The following KCNMA1 variants were observed in gnomAD, a reference collection of about 807,000 sequenced individuals.
KCNMA1 encodes potassium calcium-activated channel subfamily M alpha 1, also known as Calcium-activated potassium channel subunit alpha-1.
In KCNMA1, 29 loss-of-function variants were observed where a neutral mutation model predicts 140.0. That is an observed-to-expected ratio of 0.21 (90% CI 0.15 to 0.28). KCNMA1 has a LOEUF of 0.28. Among genes scored for constraint, KCNMA1 ranks in the 10% least tolerant of loss-of-function variants. The pLI is 1.00. For synonymous variants in KCNMA1, 612 were observed against 611.9 expected, an observed-to-expected ratio of 1.00 and a Z score of 0.00; for missense variants, 880 against 1,602.2, an observed-to-expected ratio of 0.55 and a Z score of 7.70.
intron 2 of KCNMA1, among the ~76,000 whole-genome samples, chr10:77,358,888 G>C (rs929310620): frequency 1.3e-5 from 2 of 152,176 alleles, no homozygotes; most frequent in Non-Finnish European, 2.9e-5. Flanking sequence ...CCTCATCCCT[G>C]TCGTCATCTG....
intron 2 of KCNMA1, among the ~76,000 whole-genome samples, chr10:77,396,625 C>A (rs1332014391): frequency 2.6e-5 from 4 of 152,056 alleles, no homozygotes; most frequent in Non-Finnish European, 4.4e-5. Context: ...TTCTTTTGGG[C>A]CCTTGGAGAT....
At chr10:76,995,802 G>C (rs899335045) in intron 19 of KCNMA1, 11 of 408,032 alleles carry the variant, frequency 2.7e-5, no homozygotes, top group Non-Finnish European at 5.4e-5. Flanking sequence ...ATCTTTTCTA[G>C]TTTGTCCTTA....
At chr10:77,522,115 C>T (rs1315900603) in intron 1 of KCNMA1, among the ~76,000 whole-genome samples, 4 of 151,996 alleles carry the variant, frequency 2.6e-5, no homozygotes, top group Non-Finnish European at 5.9e-5. Flanking sequence ...GCGGAGGTTG[C>T]AGTGAGCCAA....
intron 1 of KCNMA1, among the ~76,000 whole-genome samples, chr10:77,576,821 G>A (rs1010682232): frequency 1.3e-5 from 2 of 152,152 alleles, no homozygotes; most frequent in African/African-American, 4.8e-5. Context: ...ATCAAGCCTC[G>A]AGATGCTGGT....
chr10:77,306,527 A>T (rs1371676952), intron 2 of KCNMA1, among the ~76,000 whole-genome samples: 2 of 152,232 alleles, frequency 1.3e-5, no homozygotes, highest in South Asian at 4.1e-4. Flanking sequence ...AATGACAAAA[A>T]TTCTGGGTCA....
rs2095569999 is a variant in KCNMA1, at chr10:77,057,174, C to CAATCGGA, written c.1749+15916_1749+15922dup. 2.0e-5 allele frequency among the ~76,000 whole-genome samples: 3 copies of CAATCGGA among 152,084 alleles called. No individual in the cohort carries two copies. The South Asian group carries it at 6.2e-4, about 32-fold the overall frequency. ...AAAGACAAAGAGAAAATCTAGAAGG[C>CAATCGGA]AATCGGAGAAAAATGACTCATTACT... On this transcript the variant is annotated intron_variant, in intron 14 of 27. Coordinates refer to ENST00000286628, the MANE Select transcript of KCNMA1 (RefSeq NM_001161352.2).
At chr10:77,572,569 C>CATATATATATATATACATATAT (rs2071899037) in intron 1 of KCNMA1, among the ~76,000 whole-genome samples, 1 of 37,568 alleles carries the variant, frequency 2.7e-5, no homozygotes, top group Non-Finnish European at 4.7e-5. Context: ...AAAAAAAATC[C>CATATATATATATATACATATAT]ATATATATAT....
chr10:77,486,742 G>A (rs1300098058), intron 1 of KCNMA1, among the ~76,000 whole-genome samples: 1 of 152,214 alleles, frequency 6.6e-6, no homozygotes, highest in Non-Finnish European at 1.5e-5. Flanking sequence ...GCCAGCCCTG[G>A]CCCCGGGCAA....
intron 3 of KCNMA1, among the ~76,000 whole-genome samples, chr10:77,187,421 A>T (rs1400164839): frequency 6.6e-6 from 1 of 152,188 alleles, no homozygotes; most frequent in Non-Finnish European, 1.5e-5. Flanking sequence ...GCACCTTAAC[A>T]ACACCCCTGG....
chr10:77,570,182 T>C (rs935355097), intron 1 of KCNMA1, among the ~76,000 whole-genome samples: 3 of 151,460 alleles, frequency 2.0e-5, no homozygotes, highest in Non-Finnish European at 2.9e-5. Flanking sequence ...AGTGTGGCGA[T>C]TCCTCAGGGA....
At position 77,637,463 on chromosome 10, in the gene KCNMA1, C is replaced by T. The variant is rs201663455; in HGVS notation, c.180G>A (p.Ser60=). ...GCGCATCCATCTTGGGCTCGTGGAC[C>T]GAGGACGAGGAGGAAGAGGAGGAGG... is the stretch of plus-strand genomic sequence containing the variant. ...SSSSSSSSSS[S]VHEPKMDALI... is the part of the protein sequence containing the mutation. Residue 60 remains serine (S), a synonymous_variant, in exon 1 of 28, where the codon TCG becomes TCA. Coordinates refer to ENST00000286628, the MANE Select transcript of KCNMA1 (RefSeq NM_001161352.2). The T allele has an allele frequency of 6.2e-7, 1 of 1,611,278 alleles. No homozygotes were observed. The highest frequency in any genetic ancestry group is 8.5e-7 in the Non-Finnish European group (1 of 1,178,788).
chr10:77,616,093 T>C (rs779236575), intron 1 of KCNMA1, among the ~76,000 whole-genome samples: 14 of 152,228 alleles, frequency 9.2e-5, no homozygotes, highest in Non-Finnish European at 1.9e-4. Flanking sequence ...AACCCGCCTT[T>C]GACCAATTCC....
At chr10:77,299,355 C>T (rs1398677195) in intron 2 of KCNMA1, among the ~76,000 whole-genome samples, 1 of 152,180 alleles carries the variant, frequency 6.6e-6, no homozygotes, top group East Asian at 1.9e-4. Context: ...CAGTGAGGGT[C>T]CTAAGGAGGC....
chr10:76,919,170 G>A (rs2054273580), intron 23 of KCNMA1, among the ~76,000 whole-genome samples: 1 of 152,082 alleles, frequency 6.6e-6, no homozygotes, highest in African/African-American at 2.4e-5. Flanking sequence ...AAGAGTGGGA[G>A]GGAGACGAGG....
chr10:77,610,487 C>G (rs982240380), intron 1 of KCNMA1, among the ~76,000 whole-genome samples: 4 of 152,252 alleles, frequency 2.6e-5, no homozygotes, highest in African/African-American at 9.6e-5. Flanking sequence ...CTCTCTCTCT[C>G]TAGCACAGAA....
intron 1 of KCNMA1, among the ~76,000 whole-genome samples, chr10:77,468,621 C>T (rs2098085428): frequency 6.6e-6 from 1 of 152,140 alleles, no homozygotes; most frequent in Non-Finnish European, 1.5e-5. Flanking sequence ...ATCCTTCCTT[C>T]ACAACCCAGA....
At chr10:77,188,531 C>A (rs2098902866) in intron 3 of KCNMA1, among the ~76,000 whole-genome samples, 1 of 152,120 alleles carries the variant, frequency 6.6e-6, no homozygotes. Flanking sequence ...GACTGAGCAC[C>A]TTCAAAAGAG....
At chr10:77,158,199 A>C (rs887218013) in intron 5 of KCNMA1, among the ~76,000 whole-genome samples, 26 of 152,224 alleles carry the variant, frequency 1.7e-4, no homozygotes, top group Non-Finnish European at 2.9e-4. Flanking sequence ...TCTTTGAGGC[A>C]AAAGAGCTGT....
intron 19 of KCNMA1, among the ~76,000 whole-genome samples, chr10:76,996,164 G>A (rs778355895): frequency 1.3e-5 from 2 of 152,214 alleles, no homozygotes; most frequent in Non-Finnish European, 2.9e-5. Flanking sequence ...AGAACCCAGT[G>A]TGTTGGGAGC....
Sources: gnomAD v4.1 joint callset for allele counts (sites outside exome capture counted in the v4.1 genomes callset) on GRCh38, gnomAD v4.1.1 for gene constraint, MANE v1.5 for transcripts, NCBI Gene and HGNC (gene_info 2026-07-23, HGNC 2026-07-21) for gene names.